The following B4GALT5 variants were observed in gnomAD, a reference collection of about 807,000 sequenced individuals.
The protein encoded by B4GALT5 is beta-1,4-galactosyltransferase 5.
B4GALT5 carries 11 observed loss-of-function variants against 45.0 expected under a neutral mutation model. That is an observed-to-expected ratio of 0.24 (90% CI 0.15 to 0.40). B4GALT5 has a LOEUF of 0.40. B4GALT5 is among the 10% of genes least tolerant of loss of function. The pLI is 1.00. For missense variants in B4GALT5, 337 were observed against 500.2 expected, an observed-to-expected ratio of 0.67 and a Z score of 3.11; for synonymous variants, 185 against 182.9, an observed-to-expected ratio of 1.01 and a Z score of -0.09.
Position 49,694,779 on chromosome 20 carries a change from GCA to G in B4GALT5, c.115+18795_115+18796del, listed in dbSNP as rs2085831440. Among the ~76,000 whole-genome samples, 6 of 152,152 alleles carry G rather than the reference GCA, an allele frequency of 3.9e-5. No individual in the cohort carries two copies. The South Asian group carries it at 1.2e-3, about 32-fold the overall frequency. ...TAACCTGAACTCTGCCTTTGCATATGCACAATTTCATCCACGAGGAAAACCCA... is the reference window on the plus strand; with the variant it reads ...TAACCTGAACTCTGCCTTTGCATATGCAATTTCATCCACGAGGAAAACCCA... On this transcript the variant is annotated intron_variant, in intron 1 of 8. Coordinates refer to ENST00000371711, the MANE Select transcript of B4GALT5 (RefSeq NM_004776.4).
At chr20:49,703,879 A>G (rs1401494005) in intron 1 of B4GALT5, among the ~76,000 whole-genome samples, 6 of 139,406 alleles carry the variant, frequency 4.3e-5, no homozygotes, top group Admixed American at 3.7e-4. Context: ...ACTGAGTGAG[A>G]CTCCATCTCA....
rs1219181634 is a variant in B4GALT5 at position 49,663,690 on chromosome 20, A to AATATATATATAT, written c.116-6989_116-6988insATATATATATAT. Among the ~76,000 whole-genome samples the AATATATATATAT allele has an allele frequency of 1.4e-4, 14 of 96,944 alleles. 1 individual carries two copies. Among genetic ancestry groups the AATATATATATAT allele is most frequent in the African/African-American group, 5.8e-4 (13 of 22,434 alleles). 63.6% of individuals were successfully genotyped at this position (96,944 alleles called of 152,430 possible). ...TTCATCTCAAGAAAAAAAAAAAAAA[A>AATATATATATAT]ATATATACATATATATATATATATA... On this transcript the variant is annotated intron_variant, in intron 1 of 8. Coordinates refer to ENST00000371711, the MANE Select transcript of B4GALT5 (RefSeq NM_004776.4).
At chr20:49,665,812 G>A (rs1181259629) in intron 1 of B4GALT5, among the ~76,000 whole-genome samples, 2 of 150,926 alleles carry the variant, frequency 1.3e-5, no homozygotes, top group Non-Finnish European at 2.9e-5. Context: ...TGAAAGAAGA[G>A]CACTGAAGCA....
intron 1 of B4GALT5, among the ~76,000 whole-genome samples, chr20:49,663,863 C>T (rs1245431321): frequency 1.3e-5 from 2 of 151,650 alleles, no homozygotes; most frequent in Admixed American, 6.6e-5. Context: ...ACAAAAAGAA[C>T]CGTAAAGAAT....
intron 1 of B4GALT5, among the ~76,000 whole-genome samples, chr20:49,691,177 T>C (rs1376196462): frequency 1.3e-5 from 2 of 152,190 alleles, no homozygotes; most frequent in East Asian, 3.8e-4. Context: ...CTGATTAAAA[T>C]GACGGTGCGG....
chr20:49,703,864 G>T (rs1343109998), intron 1 of B4GALT5, among the ~76,000 whole-genome samples: 2 of 151,028 alleles, frequency 1.3e-5, no homozygotes, highest in African/African-American at 4.9e-5. Context: ...ACTCCAGCCT[G>T]GGCAACTGAG....
intron 8 of B4GALT5, among the ~76,000 whole-genome samples, chr20:49,636,744 T>C (rs1461820461): frequency 2.0e-5 from 3 of 152,178 alleles, no homozygotes; most frequent in Non-Finnish European, 4.4e-5. Flanking sequence ...TGAGGTAACT[T>C]GCCCAAGGTC....
At chr20:49,651,544 G>A (rs990674173) in intron 2 of B4GALT5, among the ~76,000 whole-genome samples, 28 of 150,282 alleles carry the variant, frequency 1.9e-4, no homozygotes, top group Admixed American at 3.3e-4. Context: ...AGCCAAGATC[G>A]TGCCACTGCA....
intron 8 of B4GALT5, 48 bp downstream of exon 8, chr20:49,637,293 T>C: frequency 6.6e-7 from 1 of 1,519,410 alleles, no homozygotes; most frequent in Non-Finnish European, 9.1e-7. Context: ...TATCCGGACA[T>C]GAAAGTATAG....
intron 1 of B4GALT5, among the ~76,000 whole-genome samples, chr20:49,705,683 G>A (rs2085880801): frequency 6.6e-6 from 1 of 152,104 alleles, no homozygotes; most frequent in South Asian, 2.1e-4. Context: ...TACTTCAAAG[G>A]TTCAATTCAC....
intron 1 of B4GALT5, among the ~76,000 whole-genome samples, chr20:49,663,625 G>T (rs1256582721): frequency 7.3e-6 from 1 of 136,574 alleles, no homozygotes; most frequent in Non-Finnish European, 1.5e-5. Context: ...GCTGGCTTGA[G>T]CCCAGGAGTT....
At chr20:49,700,178 C>T (rs2085855858) in intron 1 of B4GALT5, among the ~76,000 whole-genome samples, 1 of 152,114 alleles carries the variant, frequency 6.6e-6, no homozygotes, top group South Asian at 2.1e-4. Context: ...TGCCCTTAAC[C>T]TTGGTAAAAT....
At position 49,669,190 on chromosome 20, in the gene B4GALT5, C is replaced by T. The variant is rs560372543; in HGVS notation, c.116-12488G>A. On this transcript the variant is annotated intron_variant, in intron 1 of 8. Coordinates refer to ENST00000371711, the MANE Select transcript of B4GALT5 (RefSeq NM_004776.4). ...CTAAGCTTTAATGTCCCTTTCCTAG[C>T]TTTTCCTGGTATCATCCCACCCCCA... 6.6e-5 allele frequency among the ~76,000 whole-genome samples: 10 copies of T among 152,148 alleles called. No homozygotes were observed. The South Asian group carries it at 2.1e-3, about 32-fold the overall frequency.
At chr20:49,696,451 A>G (rs1460477375) in intron 1 of B4GALT5, among the ~76,000 whole-genome samples, 2 of 152,246 alleles carry the variant, frequency 1.3e-5, no homozygotes, top group Non-Finnish European at 2.9e-5. Flanking sequence ...CGGTAAAGAC[A>G]GCAGGTATGT....
At chr20:49,654,407 G>T (rs2085633766) in intron 2 of B4GALT5, among the ~76,000 whole-genome samples, 1 of 152,196 alleles carries the variant, frequency 6.6e-6, no homozygotes, top group East Asian at 1.9e-4. Flanking sequence ...TCCCAGGTAT[G>T]GTTCAGAGCT....
At chr20:49,680,336 C>T (rs528068530) in intron 1 of B4GALT5, among the ~76,000 whole-genome samples, 4 of 152,054 alleles carry the variant, frequency 2.6e-5, no homozygotes, top group Admixed American at 6.5e-5. Flanking sequence ...AGAAATAAGA[C>T]TCGATATTAG....
intron 1 of B4GALT5, among the ~76,000 whole-genome samples, chr20:49,705,856 G>A (rs1276953739): frequency 6.6e-6 from 1 of 151,914 alleles, no homozygotes; most frequent in Non-Finnish European, 1.5e-5. Flanking sequence ...ATGAGCATGA[G>A]ACCAAGAGGG....
At chr20:49,691,836 G>A (rs372424559) in intron 1 of B4GALT5, among the ~76,000 whole-genome samples, 58 of 152,184 alleles carry the variant, frequency 3.8e-4, no homozygotes, top group African/African-American at 1.3e-3. Context: ...TACACTGAAT[G>A]TATTATTTTT....
intron 1 of B4GALT5, among the ~76,000 whole-genome samples, chr20:49,704,440 C>T (rs2085875432): frequency 6.6e-6 from 1 of 152,150 alleles, no homozygotes; most frequent in African/African-American, 2.4e-5. Flanking sequence ...AACATTGCGG[C>T]CGGGCGCGGT....
Sources: allele counts gnomAD v4.1 joint callset (sites outside exome capture counted in the v4.1 genomes callset), GRCh38; gene constraint gnomAD v4.1.1; transcripts MANE v1.5; gene names NCBI Gene and HGNC (gene_info 2026-07-23, HGNC 2026-07-21).